The following TBCD variants were observed in gnomAD, a reference collection of about 807,000 sequenced individuals.
The protein encoded by TBCD is tubulin folding cofactor D.
In TBCD, 105 loss-of-function variants were observed where a neutral mutation model predicts 169.3. The observed-to-expected ratio is 0.62, with a 90% CI of 0.53 to 0.73. The LOEUF (loss-of-function observed/expected upper bound fraction) is 0.73, where lower values mean the gene tolerates loss of function less well. Ranked by LOEUF, TBCD falls within the 30% of genes least tolerant of loss-of-function variation. TBCD has a pLI of 0.00. For synonymous variants in TBCD, 700 were observed against 643.9 expected (o/e 1.09, Z -1.32); for missense variants, 1,444 against 1,600.1 (o/e 0.90, Z 1.66).
chr17:82,847,214 G>T (rs538349988), intron 13 of TBCD, among the ~76,000 whole-genome samples: 10 of 152,056 alleles, frequency 6.6e-5, no homozygotes, highest in Non-Finnish European at 1.2e-4. Context: ...TTAGCTGGGC[G>T]TGGTGGTGGG....
At chr17:82,801,612 C>T (rs1423069534) in intron 9 of TBCD, among the ~76,000 whole-genome samples, 28 of 112,456 alleles carry the variant, frequency 2.5e-4, no homozygotes, top group South Asian at 6.6e-4. Flanking sequence ...GTGGCGTGTG[C>T]GTCGTGTGGC....
intron 6 of TBCD, among the ~76,000 whole-genome samples, chr17:82,773,580 G>A (rs1203186581): frequency 6.6e-6 from 1 of 152,038 alleles, no homozygotes; most frequent in Non-Finnish European, 1.5e-5. Context: ...TCTGTCCATG[G>A]TCTCCCCGCG....
intron 7 of TBCD, among the ~76,000 whole-genome samples, chr17:82,790,715 G>A (rs1366574004): frequency 6.6e-6 from 1 of 152,198 alleles, no homozygotes; most frequent in Non-Finnish European, 1.5e-5. Flanking sequence ...GTCTCTGCCC[G>A]TTCTTCCTTC....
rs993563782 is a variant in TBCD, at chr17:82,945,511, T to C, written c.*3048T>C. Reference sequence around the variant, plus strand: ...AGCAGTGAGTAGACCAAGGTCTTCATTATGCTGAGAGAAAATAGCTGTCAA... The same window carrying C: ...AGCAGTGAGTAGACCAAGGTCTTCACTATGCTGAGAGAAAATAGCTGTCAA... On this transcript the variant is annotated 3_prime_UTR_variant, in exon 39 of 39. Transcript: ENST00000355528. 6.6e-6 allele frequency: 1 copy of C among 152,240 alleles called. No homozygotes were observed. Among genetic ancestry groups the C allele is most frequent in the African/African-American group, 2.4e-5 (1 of 41,470 alleles). The allele number at this position is 152,240 out of a possible 1,614,324, so 9.4% of individuals were successfully genotyped here.
Position 82,887,168 on chromosome 17 carries a change from TGC to T in TBCD, c.1534-2489_1534-2488del, listed in dbSNP as rs113145269. On this transcript the variant is annotated intron_variant, in intron 15 of 38. Transcript: ENST00000355528. Reference sequence around the variant, plus strand: ...GTGTGTGTGTGTGTGTGTGTGTGTGTGCGCGCGCGCGCACGTGCGCTCACGCG... The same window carrying T: ...GTGTGTGTGTGTGTGTGTGTGTGTGTGCGCGCGCGCACGTGCGCTCACGCG... 1.7e-3 allele frequency among the ~76,000 whole-genome samples: 212 copies of T among 126,190 alleles called. 1 individual carries two copies. The highest frequency in any genetic ancestry group is 5.6e-3 in the African/African-American group (168 of 30,104). 82.8% of individuals were successfully genotyped at this position (126,190 alleles called of 152,430 possible). A position where few individuals can be genotyped will look rare whatever the true frequency, so the allele number is the denominator to read the frequency against.
intron 13 of TBCD, chr17:82,838,945 G>A: frequency 2.0e-6 from 2 of 985,442 alleles, no homozygotes; most frequent in Non-Finnish European, 2.4e-6. Context: ...CACAGATGTG[G>A]ACGGACTGTG....
rs544570478 is a variant in TBCD at position 82,874,610 on chromosome 17, C to T, written c.1475+4230C>T. Among the ~76,000 whole-genome samples, 1 of 152,298 alleles carries T rather than the reference C, an allele frequency of 6.6e-6. No homozygotes were observed. Among genetic ancestry groups the T allele is most frequent in the Non-Finnish European group, 1.5e-5 (1 of 68,022 alleles). On this transcript the variant is annotated intron_variant, in intron 14 of 38. Transcript: ENST00000355528. The surrounding 1 kb of genome is among the most constrained non-coding windows in gnomAD (Gnocchi z 5.0). ...CGTGCCCGCCGGCCTGGGTGTCAGG[C>T]TTGTCCAACGGGTTCTTAGAGAACC...
rs72854338 is a variant in TBCD at position 82,761,458 on chromosome 17, C to T, written c.236-2507C>T. Reference sequence around the variant, plus strand: ...TGAGTTTCGGTAAATGTATACACCCCGCGCTATCAAGATATGGAACATTTC... The same window carrying T: ...TGAGTTTCGGTAAATGTATACACCCTGCGCTATCAAGATATGGAACATTTC... On this transcript the variant is annotated intron_variant, in intron 2 of 38. Coordinates refer to ENST00000355528, the MANE Select transcript of TBCD (RefSeq NM_005993.5). 5.6e-3 allele frequency among the ~76,000 whole-genome samples: 853 copies of T among 152,238 alleles called. 4 individuals are homozygous for T. The highest frequency in any genetic ancestry group is 8.7e-3 in the Non-Finnish European group (590 of 68,014).
At chr17:82,792,876 C>G (rs145600778) in intron 7 of TBCD, among the ~76,000 whole-genome samples, 5 of 152,286 alleles carry the variant, frequency 3.3e-5, no homozygotes, top group Admixed American at 1.3e-4. Flanking sequence ...CATCCTCCCC[C>G]CTCAGCCTCC....
chr17:82,810,404 C>T (rs556117742), intron 12 of TBCD, among the ~76,000 whole-genome samples: 3 of 152,330 alleles, frequency 2.0e-5, no homozygotes, highest in Admixed American at 2.0e-4. Context: ...GGTGCCACTG[C>T]TGCACTCCAG....
At chr17:82,764,756 TA>T (rs2047940634) in intron 3 of TBCD, among the ~76,000 whole-genome samples, 1 of 151,566 alleles carries the variant, frequency 6.6e-6, no homozygotes, top group Non-Finnish European at 1.5e-5. Context: ...CTGCTTTTCT[TA>T]CAAGCTTGCG....
chr17:82,893,243 A>G (rs1414407537), intron 16 of TBCD: 1 of 403,186 alleles, frequency 2.5e-6, no homozygotes, highest in East Asian at 5.1e-5. Flanking sequence ...TTTACGGTGT[A>G]TGTTTTCGGG....
intron 22 of TBCD, among the ~76,000 whole-genome samples, chr17:82,910,650 T>C (rs1309802544): frequency 1.3e-5 from 2 of 151,800 alleles, no homozygotes; most frequent in Non-Finnish European, 2.9e-5. Flanking sequence ...CACTGCAAGC[T>C]CACCTCCCAC....
chr17:82,800,048 C>T (rs1009345348), intron 8 of TBCD, among the ~76,000 whole-genome samples: 1 of 152,060 alleles, frequency 6.6e-6, no homozygotes, highest in Non-Finnish European at 1.5e-5. Context: ...GCCCCACTGC[C>T]CCTTCCTCCA....
At chr17:82,917,642 G>T (rs146478078) in intron 23 of TBCD, among the ~76,000 whole-genome samples, 2 of 152,208 alleles carry the variant, frequency 1.3e-5, no homozygotes, top group Non-Finnish European at 2.9e-5. Flanking sequence ...TGCTGTCGGG[G>T]TCACCTCCAT....
intron 14 of TBCD, among the ~76,000 whole-genome samples, chr17:82,872,190 C>T (rs555798593): frequency 2.6e-5 from 4 of 152,338 alleles, no homozygotes; most frequent in Admixed American, 2.0e-4. Context: ...GTGTGTTTCC[C>T]GAGGCAGCTG....
intron 13 of TBCD, among the ~76,000 whole-genome samples, chr17:82,837,089 C>A (rs2054051886): frequency 6.6e-6 from 1 of 152,174 alleles, no homozygotes; most frequent in Admixed American, 6.5e-5. Context: ...CAGTTGTAAG[C>A]CGGGCGTAGG....
In TBCD at chr17:82,764,767, G is replaced by A. The variant is rs921646096; in HGVS notation, c.333+705G>A. 4.7e-5 allele frequency among the ~76,000 whole-genome samples: 7 copies of A among 149,726 alleles called. 1 individual carries two copies. Among genetic ancestry groups the A allele is most frequent in the African/African-American group, 1.8e-4 (7 of 39,422 alleles). On this transcript the variant is annotated intron_variant, in intron 3 of 38. Coordinates refer to ENST00000355528, the MANE Select transcript of TBCD (RefSeq NM_005993.5). ...TAGTCTGCTTTTCTTACAAGCTTGC[G>A]GGTGTCTGTGCTCATAGTCTGCTTT...
At chr17:82,868,400 G>A (rs75107337) in intron 13 of TBCD, among the ~76,000 whole-genome samples, 4,914 of 152,224 alleles carry the variant, frequency 0.032, 272 homozygotes, top group African/African-American at 0.11. Flanking sequence ...CTGCTCCCCC[G>A]GGCCTCTGTG....
Sources: allele counts gnomAD v4.1 joint callset (sites outside exome capture counted in the v4.1 genomes callset), GRCh38; gene constraint gnomAD v4.1.1; non-coding constraint Gnocchi (gnomAD v3.1); transcripts MANE v1.5; gene names NCBI Gene and HGNC (gene_info 2026-07-23, HGNC 2026-07-21).